MROH2B: variants seen among roughly 807,000 people sequenced by gnomAD.
The protein encoded by MROH2B is maestro heat like repeat family member 2B.
In MROH2B, 177 loss-of-function variants were observed where a neutral mutation model predicts 208.6. That is an observed-to-expected ratio of 0.85 (90% CI 0.75 to 0.96). The LOEUF (loss-of-function observed/expected upper bound fraction) is 0.96, where lower values mean the gene tolerates loss of function less well. Ranked by LOEUF, MROH2B falls within the 40% of genes least tolerant of loss-of-function variation. The pLI is 0.00. For synonymous variants in MROH2B, 728 were observed against 659.0 expected, an observed-to-expected ratio of 1.10 and a Z score of -1.60; for missense variants, 2,002 against 1,878.7, an observed-to-expected ratio of 1.07 and a Z score of -1.21.
chr5:41,061,704 C>T lies in MROH2B; in HGVS notation c.481G>A (p.Ala161Thr). ...FCIALEKFSK[A>T]IYKYVNHWRD... Reference sequence around the variant, plus strand: ...CAGTGGTTGACATATTTGTAAATGGCTTTGCTGAATTTCTCAAGGGCTGCA... The same window carrying T: ...CAGTGGTTGACATATTTGTAAATGGTTTTGCTGAATTTCTCAAGGGCTGCA... The change falls in exon 6 of 42, where the codon GCC becomes ACC. Residue 161 changes from alanine (A) to threonine (T), a missense_variant. Transcript: ENST00000399564. The T allele has an allele frequency of 6.2e-7, 1 of 1,613,662 alleles. No individual in the cohort carries two copies. Among genetic ancestry groups the T allele is most frequent in the Non-Finnish European group, 8.5e-7 (1 of 1,179,720 alleles).
At position 41,048,461 on chromosome 5, in the gene MROH2B, A is replaced by G. The variant is rs1225926980; in HGVS notation, c.1547T>C (p.Ile516Thr). Residue 516 changes from isoleucine to threonine, a missense_variant, in exon 16 of 42, where the codon ATA (isoleucine) becomes ACA (threonine). Coordinates refer to ENST00000399564, the MANE Select transcript of MROH2B (RefSeq NM_173489.5). ...CTCCCCTAAACTGGCAGGCATAGAT[A>G]TTACCTGAAGGATAGAAGAGAAGGA... ...PQQLLARLLV[I>T]SMPASLGELR... The G allele has an allele frequency of 6.2e-7, 1 of 1,608,934 alleles. No homozygotes were observed. Among genetic ancestry groups the G allele is most frequent in the Non-Finnish European group, 8.5e-7 (1 of 1,178,258 alleles).
intron 21 of MROH2B, among the ~76,000 whole-genome samples, chr5:41,035,166 A>G (rs1399965234): frequency 2.6e-5 from 4 of 152,198 alleles, no homozygotes; most frequent in Non-Finnish European, 5.9e-5. Context: ...TGGAAGTATC[A>G]TACTACCTGA....
chr5:41,027,221 C>A (rs1742396605), intron 24 of MROH2B, among the ~76,000 whole-genome samples: 1 of 152,112 alleles, frequency 6.6e-6, no homozygotes, highest in South Asian at 2.1e-4. Context: ...TTCTGCACAG[C>A]AAAAGAAACT....
intron 21 of MROH2B, 100 bp downstream of exon 21, chr5:41,038,636 A>C: frequency 8.4e-7 from 1 of 1,196,706 alleles, no homozygotes; most frequent in Non-Finnish European, 1.1e-6. Flanking sequence ...ATAAAAACAT[A>C]CCCAAGTCTG....
chr5:41,066,412 T>C (rs1743816859), intron 3 of MROH2B, among the ~76,000 whole-genome samples: 1 of 152,226 alleles, frequency 6.6e-6, no homozygotes. Flanking sequence ...AGATAAGCCC[T>C]GCATTTGAGA....
At chr5:41,000,402 C>T in intron 38 of MROH2B, 51 bp from the exon 39 acceptor site, 3 of 1,594,052 alleles carry the variant, frequency 1.9e-6, no homozygotes, top group Admixed American at 3.6e-5. Context: ...GGATCTCCTT[C>T]CAGAAGGGAA....
chr5:41,050,875 C>T, intron 13 of MROH2B, 102 bp downstream of exon 13: 1 of 746,934 alleles, frequency 1.3e-6, no homozygotes, highest in South Asian at 1.9e-5. Flanking sequence ...CATCAGGAAG[C>T]TGATGACAAA....
chr5:41,049,260 G>C lies in MROH2B; in HGVS notation c.1501+20C>G. On this transcript the variant is annotated intron_variant, in intron 14 of 41. Transcript: ENST00000399564. The stretch of plus-strand genomic sequence containing the variant: ...TCCCTCATAATAGAAAAGCTTTTCT[G>C]TGTTTATGAATGTACAGACCAGCTC... The C allele has an allele frequency of 6.2e-7, 1 of 1,612,204 alleles. No individual in the cohort carries two copies. Among genetic ancestry groups the C allele is most frequent in the Non-Finnish European group, 8.5e-7 (1 of 1,179,070 alleles).
intron 10 of MROH2B, 150 bp downstream of exon 10, chr5:41,055,592 A>G (rs1310190728): frequency 5.1e-6 from 3 of 584,732 alleles, no homozygotes; most frequent in Non-Finnish European, 9.0e-6. Flanking sequence ...AAGGAATTGT[A>G]GATTGTGGAA....
chr5:41,015,931 T>C lies in MROH2B; in HGVS notation c.2885-453A>G, dbSNP rs138767268. 5.3e-4 allele frequency among the ~76,000 whole-genome samples: 80 copies of C among 152,334 alleles called. 1 individual carries two copies. The East Asian group carries it at 0.011, about 22-fold the overall frequency. On this transcript the variant is annotated intron_variant, in intron 28 of 41. Transcript: ENST00000399564. The stretch of plus-strand genomic sequence containing the variant: ...GAAAAGTAACTACTGTAATGAGAAG[T>C]TTACATCAGCAACTGTGTAAGTGAT...
chr5:41,033,270 T>C (rs1233615211), intron 22 of MROH2B, 110 bp from the exon 23 acceptor site: 2 of 1,445,104 alleles, frequency 1.4e-6, no homozygotes, highest in South Asian at 1.3e-5. Flanking sequence ...TGAGAATCTT[T>C]GCTTCCTTTG....
At chr5:41,058,579 T>C (rs1422952488) in intron 6 of MROH2B, among the ~76,000 whole-genome samples, 2 of 152,110 alleles carry the variant, frequency 1.3e-5, no homozygotes, top group African/African-American at 4.8e-5. Context: ...CGCCTCAGCC[T>C]CCTGAGTAGC....
At position 40,998,126 on chromosome 5, in the gene MROH2B, T is replaced by C; in HGVS notation, c.4684A>G (p.Ser1562Gly). Residue 1562 changes from serine (S) to glycine (G), a missense_variant, in exon 42 of 42, where the codon AGT (serine) becomes GGT (glycine). Physicochemically the swap from Ser to Gly is moderately conservative, Grantham distance 56 (BLOSUM62 0). Coordinates refer to ENST00000399564, the MANE Select transcript of MROH2B (RefSeq NM_173489.5). ...GCAGCCTCAGCTGCTCTCTGGACAC[T>C]AATACACGGATCTTGACGAAGTGCT... Reference protein sequence around the residue: ...LQALRQDPCISVQRAAEAALQ... With the variant: ...LQALRQDPCIGVQRAAEAALQ... 1 of 1,612,522 alleles carries C rather than the reference T, an allele frequency of 6.2e-7. No individual in the cohort carries two copies. Among genetic ancestry groups the C allele is most frequent in the Non-Finnish European group, 8.5e-7 (1 of 1,178,742 alleles).
At position 41,069,730 on chromosome 5, in the gene MROH2B, G is replaced by A; in HGVS notation, c.51C>T (p.Leu17=). The A allele has an allele frequency of 6.2e-7, 1 of 1,607,340 alleles. No homozygotes were observed. Residue 17 remains leucine, a synonymous_variant, in exon 2 of 42, where the codon CTC becomes CTT. Transcript: ENST00000399564. ...ESIEMFGDIN[L]TLGMLNKEDI... Reference sequence around the variant, plus strand: ...CTTCCTTGTTCAGCATGCCAAGAGTGAGGTTAATATCCCCAAACATCTCTA... The same window carrying A: ...CTTCCTTGTTCAGCATGCCAAGAGTAAGGTTAATATCCCCAAACATCTCTA...
At chr5:41,065,144 G>A (rs538050432) in intron 4 of MROH2B, among the ~76,000 whole-genome samples, 187 bp downstream of exon 4, 7 of 152,290 alleles carry the variant, frequency 4.6e-5, no homozygotes, top group Admixed American at 1.3e-4. Flanking sequence ...AGAGCAGTCT[G>A]GACTAGTGGC....
intron 21 of MROH2B, among the ~76,000 whole-genome samples, chr5:41,035,499 C>T (rs1742726644): frequency 6.6e-6 from 1 of 152,026 alleles, no homozygotes; most frequent in Non-Finnish European, 1.5e-5. Flanking sequence ...AGCTTCTGCA[C>T]AGCAAAAGAA....
At chr5:41,011,375 T>C (rs1323533674) in intron 30 of MROH2B, among the ~76,000 whole-genome samples, 1 of 152,244 alleles carries the variant, frequency 6.6e-6, no homozygotes, top group Non-Finnish European at 1.5e-5. Context: ...CCTTTACCTA[T>C]TGTGTGAACA....
intron 2 of MROH2B, among the ~76,000 whole-genome samples, chr5:41,067,483 C>T (rs1345622942): frequency 6.6e-6 from 1 of 152,126 alleles, no homozygotes; most frequent in Non-Finnish European, 1.5e-5. Context: ...TCTCCTGCCT[C>T]AGCCTCCCGA....
chr5:41,020,541 A>G (rs1742111435), intron 24 of MROH2B, among the ~76,000 whole-genome samples: 1 of 152,188 alleles, frequency 6.6e-6, no homozygotes, highest in Non-Finnish European at 1.5e-5. Flanking sequence ...TATCTTGTTC[A>G]TCATTGCTCT....
Sources: allele counts gnomAD v4.1 joint callset (sites outside exome capture counted in the v4.1 genomes callset), GRCh38; gene constraint gnomAD v4.1.1; transcripts MANE v1.5; gene names NCBI Gene and HGNC (gene_info 2026-07-23, HGNC 2026-07-21).